The following NBPF12 variants were observed in gnomAD, a reference collection of about 807,000 sequenced individuals.
The protein encoded by NBPF12 is NBPF member 12.
NBPF12 carries 115 observed loss-of-function variants against 146.4 expected under a neutral mutation model. The ratio of observed to expected loss-of-function variants is 0.79; its 90% CI spans 0.68 to 0.92. The LOEUF (loss-of-function observed/expected upper bound fraction) is 0.92. Among genes scored for constraint, NBPF12 ranks in the 40% least tolerant of loss-of-function variants. The pLI is 0.00. For synonymous variants in NBPF12, 385 were observed against 508.9 expected (o/e 0.76, Z 3.28); for missense variants, 1,205 against 1,326.8 (o/e 0.91, Z 1.43).
Position 146,938,924 on chromosome 1 carries a change from C to T in NBPF12, c.-880C>T, listed in dbSNP as rs1268571673. 4 of 152,072 alleles carry T rather than the reference C, an allele frequency of 2.6e-5. No homozygotes were observed. The highest frequency in any genetic ancestry group is 5.9e-5 in the Non-Finnish European group (4 of 68,026). 9.4% of individuals were successfully genotyped at this position (152,072 alleles called of 1,614,324 possible). On this transcript the variant is annotated 5_prime_UTR_variant, in exon 1 of 36. It adds an upstream start codon to the 5' untranslated region. Coordinates refer to the NBPF12 transcript ENST00000617931. ...GGAGCGGGGCCGAGGTACGGCGGCA[C>T]GGCTGCAGCCTGGATGGGAAGTTCA... is the stretch of plus-strand genomic sequence containing the variant.
chr1:146,946,308 A>G (rs1159024007), upstream of NBPF12, among the ~76,000 whole-genome samples: 1 of 150,970 alleles, frequency 6.6e-6, no homozygotes, highest in African/African-American at 2.5e-5. Context: ...TTTGATTTCC[A>G]CTAGCTATGG....
At chr1:146,949,296 C>T (rs1655221967), upstream of NBPF12, 2 of 146,692 alleles carry the variant, frequency 1.4e-5, no homozygotes, top group Admixed American at 6.8e-5. Context: ...CAACCCATCC[C>T]TTCACTGAAC....
chr1:146,982,268 GCT>G (rs2101903542), intron 19 of NBPF12, among the ~76,000 whole-genome samples: 1 of 139,452 alleles, frequency 7.2e-6, no homozygotes, highest in Non-Finnish European at 1.5e-5. Context: ...TGATGTTGAT[GCT>G]ATCCCTTTCT....
chr1:146,942,876 A>G (rs1211580190), intron 1 of NBPF12, among the ~76,000 whole-genome samples: 1 of 149,940 alleles, frequency 6.7e-6, no homozygotes, highest in Admixed American at 6.7e-5. Flanking sequence ...ATCTACCTCA[A>G]ATATTCCTTA....
exon 9 of NBPF12, chr1:146,966,647 T>G (rs1328709781): frequency 1.4e-6 from 2 of 1,480,634 alleles, no homozygotes; most frequent in South Asian, 1.1e-5. Context: ...CTGGCCGGCT[T>G]CCTGGCCAAG....
At chr1:146,965,757 A>G (rs1656151034) in intron 8 of NBPF12, among the ~76,000 whole-genome samples, 1 of 127,886 alleles carries the variant, frequency 7.8e-6, no homozygotes, top group Admixed American at 9.8e-5. Context: ...GTGGCACTGC[A>G]CTCCAGCCTG....
chr1:146,968,668 G>C, intron 10 of NBPF12, 118 bp downstream of exon 13: 1 of 897,996 alleles, frequency 1.1e-6, no homozygotes, highest in Non-Finnish European at 1.8e-6. Context: ...GAATTGCCAT[G>C]GCAGGCTCGC....
chr1:146,960,702 G>T (rs1179304218), intron 4 of NBPF12, among the ~76,000 whole-genome samples: 2 of 151,918 alleles, frequency 1.3e-5, no homozygotes. Context: ...CTTTTATTCA[G>T]TTCAAGTTTC....
upstream of NBPF12, among the ~76,000 whole-genome samples, chr1:146,945,522 G>T: frequency 6.6e-6 from 1 of 151,868 alleles, no homozygotes; most frequent in Non-Finnish European, 1.5e-5. Flanking sequence ...ATCTCCAACT[G>T]CTCTGACTCC....
rs1400301498 is a variant in NBPF12 at position 146,972,086 on chromosome 1, T to TCA, written c.1592-665_1592-664insCA. Among the ~76,000 whole-genome samples, 120 of 120,950 alleles carry TCA rather than the reference T, an allele frequency of 9.9e-4. 6 individuals carry two copies. The highest frequency in any genetic ancestry group is 2.3e-3 in the African/African-American group (69 of 30,372). The allele number at this position is 120,950 out of a possible 152,430, so 79.3% of individuals were successfully genotyped here. The stretch of plus-strand genomic sequence containing the variant: ...CTGGGAGACAGAGCGAGACTCCATC[T>TCA]AAAAAAAAAAAAAAAAAGTAAGTCT... On this transcript the variant is annotated intron_variant, in intron 13 of 33. Transcript: ENST00000617844.
At chr1:146,965,820 A>AAAAAAAG (rs1656164243) in intron 8 of NBPF12, among the ~76,000 whole-genome samples, 1 of 138,096 alleles carries the variant, frequency 7.2e-6, no homozygotes, top group Non-Finnish European at 1.6e-5. Context: ...AAAAAAAAAA[A>AAAAAAAG]GTCTCTGACC....
chr1:146,961,544 C>A (rs1264166291), intron 4 of NBPF12, among the ~76,000 whole-genome samples: 4 of 152,248 alleles, frequency 2.6e-5, no homozygotes, highest in Non-Finnish European at 5.9e-5. Flanking sequence ...TATACTGTTT[C>A]TAAATTAACA....
chr1:146,961,845 G>A (rs1336715503), intron 4 of NBPF12, among the ~76,000 whole-genome samples: 2 of 152,040 alleles, frequency 1.3e-5, no homozygotes, highest in Non-Finnish European at 2.9e-5. Flanking sequence ...GAGGCTGCAA[G>A]GCTTGGGAAA....
intron 14 of NBPF12, among the ~76,000 whole-genome samples, chr1:146,973,792 A>G (rs1181039649): frequency 1.4e-5 from 2 of 143,812 alleles, no homozygotes; most frequent in Non-Finnish European, 3.0e-5. Flanking sequence ...TTAAAAAAAA[A>G]TAATAATGAG....
exon 34 of NBPF12, chr1:146,994,908 C>T: frequency 2.4e-6 from 1 of 411,588 alleles, no homozygotes; most frequent in Non-Finnish European, 4.5e-6. Flanking sequence ...TCTATACCTA[C>T]TCAAGGTCAG....
At position 146,974,895 on chromosome 1, in the gene NBPF12, T is replaced by C. The variant is rs1182617853; in HGVS notation, c.1904+54T>C. ...GGGGCAGGTGTGTAAATCTCTGAAG[T>C]ACAGTAGCTCAGTGGGGAGACGTAA... On this transcript the variant is annotated intron_variant, in intron 15 of 33. Coordinates refer to ENST00000617844, the Ensembl canonical transcript of NBPF12. 11 of 1,081,536 alleles carry C rather than the reference T, an allele frequency of 1.0e-5. 1 individual carries two copies. Among genetic ancestry groups the C allele is most frequent in the African/African-American group, 2.1e-5 (1 of 48,336 alleles). 67.0% of individuals were successfully genotyped at this position (1,081,536 alleles called of 1,614,324 possible).
At chr1:146,994,342 G>C in exon 34 of NBPF12, 1 of 1,611,602 alleles carries the variant, frequency 6.2e-7, no homozygotes, top group Non-Finnish European at 8.5e-7. Context: ...GCTCAACAGC[G>C]TGCTGATGGA....
intron 31 of NBPF12, 112 bp from the exon 35 acceptor site, chr1:146,992,600 C>G: frequency 2.8e-6 from 2 of 706,690 alleles, no homozygotes; most frequent in East Asian, 2.7e-5. Flanking sequence ...ATTAATGGAT[C>G]TATCCTTTTA....
intron 1 of NBPF12, among the ~76,000 whole-genome samples, chr1:146,950,871 ATTC>A (rs1655296223): frequency 6.6e-6 from 1 of 152,132 alleles, no homozygotes; most frequent in African/African-American, 2.4e-5. Context: ...TGCTATGGAC[ATTC>A]TTGTATATAT....
Sources: allele counts gnomAD v4.1 joint callset (sites outside exome capture counted in the v4.1 genomes callset), GRCh38; gene constraint gnomAD v4.1.1; transcripts MANE v1.5; gene names NCBI Gene and HGNC (gene_info 2026-07-23, HGNC 2026-07-21).